FOXA3: variants seen among roughly 807,000 people sequenced by gnomAD.
The protein encoded by FOXA3 is hepatocyte nuclear factor 3-gamma.
FOXA3 carries 11 observed loss-of-function variants against 16.9 expected under a neutral mutation model. The ratio of observed to expected loss-of-function variants is 0.65; its 90% CI spans 0.41 to 1.08. The LOEUF (loss-of-function observed/expected upper bound fraction) is 1.08, where lower values mean the gene tolerates loss of function less well. FOXA3 is among the 50% of genes least tolerant of loss of function. The pLI is 0.00. For synonymous variants in FOXA3, 217 were observed against 203.3 expected, an observed-to-expected ratio of 1.07 and a Z score of -0.57; for missense variants, 423 against 470.1, an observed-to-expected ratio of 0.90 and a Z score of 0.93.
chr19:45,868,002 G>T (rs75766246), intron 1 of FOXA3, among the ~76,000 whole-genome samples: 5 of 151,282 alleles, frequency 3.3e-5, no homozygotes, highest in African/African-American at 1.2e-4. Context: ...GAGCAAAAGA[G>T]GTTAGGGTGG....
In FOXA3 at chr19:45,872,513, T is replaced by C. The variant is rs1257133453; in HGVS notation, c.508T>C (p.Ser170Pro). The change falls in exon 2 of 2, where the codon TCT (serine) becomes CCT (proline). Residue 170 changes from serine (S) to proline (P), a missense_variant. By Grantham distance (74) the Ser-to-Pro change is moderately conservative (BLOSUM62 -1). Around this residue, in one of 3 missense-constraint regions of FOXA3, gnomAD observed 85 missense variants for 136.9 expected, o/e 0.62. Coordinates refer to ENST00000302177, the MANE Select transcript of FOXA3 (RefSeq NM_004497.3). The surrounding 1 kb of genome is among the most constrained non-coding windows in gnomAD (Gnocchi z 4.5). ...RWQNSIRHSLSFNDCFVKVAR... is the reference protein window; with the variant it reads ...RWQNSIRHSLPFNDCFVKVAR... The stretch of plus-strand genomic sequence containing the variant: ...GCAGAACTCCATTCGCCACTCGCTG[T>C]CTTTCAACGACTGCTTCGTCAAGGT... 1 of 1,614,048 alleles carries C rather than the reference T, an allele frequency of 6.2e-7. No homozygotes were observed. Among genetic ancestry groups the C allele is most frequent in the African/African-American group, 1.3e-5 (1 of 74,930 alleles).
chr19:45,869,820 C>T (rs923804523), intron 1 of FOXA3, among the ~76,000 whole-genome samples: 1 of 151,280 alleles, frequency 6.6e-6, no homozygotes, highest in Non-Finnish European at 1.5e-5. Flanking sequence ...GAGTCTTGCT[C>T]TGTCGCCCAG....
chr19:45,869,219 C>T (rs1568633812), intron 1 of FOXA3, among the ~76,000 whole-genome samples: 1 of 151,668 alleles, frequency 6.6e-6, no homozygotes, highest in Non-Finnish European at 1.5e-5. Context: ...GGATTACAGG[C>T]GTGAGCCACC....
rs1176340072 is a variant in FOXA3 at position 45,873,480 on chromosome 19, T to C, written c.*422T>C. Reference sequence around the variant, plus strand: ...TGGCCACCATTCTGTGTAACACCTTTTTTGGCCCATTGGGTGCTTTGATGG... The same window carrying C: ...TGGCCACCATTCTGTGTAACACCTTCTTTGGCCCATTGGGTGCTTTGATGG... On this transcript the variant is annotated 3_prime_UTR_variant, in exon 2 of 2. Transcript: ENST00000302177. 20 of 223,634 alleles carry C rather than the reference T, an allele frequency of 8.9e-5. No individual in the cohort carries two copies. The highest frequency in any genetic ancestry group is 1.7e-4 in the Non-Finnish European group (19 of 111,130). The allele number at this position is 223,634 out of a possible 1,614,324, so 13.9% of individuals were successfully genotyped here. A position where few individuals can be genotyped will look rare whatever the true frequency, so the allele number is the denominator to read the frequency against.
chr19:45,868,319 G>A (rs187273827), intron 1 of FOXA3, among the ~76,000 whole-genome samples: 19 of 152,060 alleles, frequency 1.2e-4, no homozygotes, highest in Non-Finnish European at 1.8e-4. Context: ...GTGGCTCATG[G>A]CTATAATCCC....
rs780122523 is a variant in FOXA3 at position 45,872,085 on chromosome 19, C to T, written c.80C>T (p.Pro27Leu). ...TCATCTTTCCCCTAGGTCTACTCGC[C>T]GGTGACCCCAGTGCCCACCATGGCC... ...YYPEAGEVYSPVTPVPTMAPL... is the reference protein window; with the variant it reads ...YYPEAGEVYSLVTPVPTMAPL... The change falls in exon 2 of 2, where the codon CCG becomes CTG. Residue 27 changes from proline (P) to leucine (L), a missense_variant. Transcript: ENST00000302177. This position sits in a 1 kb window ranked among gnomAD's most constrained non-coding sequence, Gnocchi z 4.5. The T allele has an allele frequency of 2.4e-5, 39 of 1,610,500 alleles. No homozygotes were observed. Among genetic ancestry groups the T allele is most frequent in the South Asian group, 5.5e-5 (5 of 90,656 alleles).
intron 1 of FOXA3, among the ~76,000 whole-genome samples, chr19:45,870,786 C>A (rs770244464): frequency 6.6e-6 from 1 of 152,000 alleles, no homozygotes; most frequent in South Asian, 2.1e-4. Context: ...CCAGGCTGGT[C>A]TTGAACTTCT....
chr19:45,867,013 C>A (rs1480261187), intron 1 of FOXA3, among the ~76,000 whole-genome samples: 1 of 152,176 alleles, frequency 6.6e-6, no homozygotes, highest in African/African-American at 2.4e-5. Flanking sequence ...CAGGGGAGAT[C>A]CGGCTCAGAC....
intron 1 of FOXA3, 94 bp from the exon 2 acceptor site, chr19:45,871,980 GA>G: frequency 7.9e-7 from 1 of 1,267,336 alleles, no homozygotes; most frequent in Non-Finnish European, 1.1e-6. Flanking sequence ...GAGAAGGCAA[GA>G]TGGACAGACA....
intron 1 of FOXA3, among the ~76,000 whole-genome samples, chr19:45,870,062 A>G (rs1966891376): frequency 6.6e-6 from 1 of 152,160 alleles, no homozygotes; most frequent in Non-Finnish European, 1.5e-5. Flanking sequence ...CTGGGATTAC[A>G]GGTGTGAGCC....
rs1966922002 is a variant in FOXA3, at chr19:45,872,760, A to AGCCCCC, written c.759_764dup (p.Pro255_Pro256dup). The AGCCCCC allele has an allele frequency of 6.2e-7, 1 of 1,607,758 alleles. No homozygotes were observed. The highest frequency in any genetic ancestry group is 1.1e-5 in the South Asian group (1 of 90,734). ...GCGGCCACAGTCACCTCCCCGCCCCAGCCCCCGCCTCCAGCCCCTGAGCCT... is the reference window on the plus strand; with the variant it reads ...GCGGCCACAGTCACCTCCCCGCCCCAGCCCCCGCCCCCGCCTCCAGCCCCTGAGCCT... On this transcript the variant is annotated inframe_insertion, in exon 2 of 2. Transcript: ENST00000302177. This position sits in a 1 kb window ranked among gnomAD's most constrained non-coding sequence, Gnocchi z 4.5.
intron 1 of FOXA3, among the ~76,000 whole-genome samples, chr19:45,864,862 G>A: frequency 6.6e-6 from 1 of 152,152 alleles, no homozygotes; most frequent in Non-Finnish European, 1.5e-5. Context: ...AGGAATCAGA[G>A]TTCCAGGGTA....
chr19:45,873,430 G>A lies in FOXA3; in HGVS notation c.*372G>A. ...GTGCTGTGCCCACTTCTTTTTTGGTGTACTTGGCACAGTAGGTGCCAAGTT... is the reference window on the plus strand; with the variant it reads ...GTGCTGTGCCCACTTCTTTTTTGGTATACTTGGCACAGTAGGTGCCAAGTT... On this transcript the variant is annotated 3_prime_UTR_variant, in exon 2 of 2. Transcript: ENST00000302177. 1 of 305,260 alleles carries A rather than the reference G, an allele frequency of 3.3e-6. No homozygotes were observed. 18.9% of individuals were successfully genotyped at this position (305,260 alleles called of 1,614,324 possible).
chr19:45,872,512 G>C lies in FOXA3; in HGVS notation c.507G>C (p.Leu169=). The change falls in exon 2 of 2, where the codon CTG becomes CTC. Residue 169 remains leucine, a synonymous_variant. Transcript: ENST00000302177. The surrounding 1 kb of genome is among the most constrained non-coding windows in gnomAD (Gnocchi z 4.5). ...GGCAGAACTCCATTCGCCACTCGCT[G>C]TCTTTCAACGACTGCTTCGTCAAGG... ...QRWQNSIRHS[L]SFNDCFVKVA... 4 of 1,614,184 alleles carry C rather than the reference G, an allele frequency of 2.5e-6. No individual in the cohort carries two copies. Among genetic ancestry groups the C allele is most frequent in the Non-Finnish European group, 3.4e-6 (4 of 1,180,032 alleles).
rs1966908807 is a variant in FOXA3, at chr19:45,872,005, TG to T, written c.70-67del. ...GATGGACAGACAGACGGACACTCAG[TG>T]GGTCCTGGGATCCTTTGCTGACCAG... On this transcript the variant is annotated intron_variant, in intron 1 of 1. Coordinates refer to ENST00000302177, the MANE Select transcript of FOXA3 (RefSeq NM_004497.3). The surrounding 1 kb of genome is among the most constrained non-coding windows in gnomAD (Gnocchi z 4.5). The T allele has an allele frequency of 8.2e-6, 12 of 1,465,116 alleles. No individual in the cohort carries two copies. The highest frequency in any genetic ancestry group is 2.0e-5 in the Admixed American group (1 of 49,520). 90.8% of individuals were successfully genotyped at this position (1,465,116 alleles called of 1,614,324 possible).
Position 45,872,549 on chromosome 19 carries a change from C to G in FOXA3, c.544C>G (p.Pro182Ala). The G allele has an allele frequency of 6.2e-7, 1 of 1,614,162 alleles. No individual in the cohort carries two copies. Among genetic ancestry groups the G allele is most frequent in the Middle Eastern group, 1.6e-4 (1 of 6,062 alleles). Residue 182 changes from proline (P) to alanine (A), a missense_variant, in exon 2 of 2, where the codon CCA becomes GCA. By Grantham distance (27) the Pro-to-Ala change is conservative. This residue lies in a region of FOXA3 where 85 missense variants were observed against 136.9 expected (regional missense o/e 0.62). Transcript: ENST00000302177. This position sits in a 1 kb window ranked among gnomAD's most constrained non-coding sequence, Gnocchi z 4.5. ...NDCFVKVARS[P>A]DKPGKGSYWA... ...CTGCTTCGTCAAGGTGGCGCGTTCC[C>G]CAGACAAGCCTGGCAAGGGCTCCTA...
At chr19:45,871,897 G>A (rs901774985) in intron 1 of FOXA3, among the ~76,000 whole-genome samples, 178 bp from the exon 2 acceptor site, 3 of 152,266 alleles carry the variant, frequency 2.0e-5, no homozygotes, top group Middle Eastern at 3.4e-3. Flanking sequence ...CAGAAAGGGC[G>A]TGTCCAGGGA....
intron 1 of FOXA3, among the ~76,000 whole-genome samples, chr19:45,867,109 C>T (rs764115201): frequency 2.0e-5 from 3 of 151,952 alleles, no homozygotes; most frequent in Non-Finnish European, 4.4e-5. Flanking sequence ...GGTCGGACCT[C>T]AAGGAGGACT....
Position 45,873,337 on chromosome 19 carries a change from C to T in FOXA3, c.*279C>T, listed in dbSNP as rs878943261. ...CACTGCATGGTTTGATGGCCACCAT[C>T]TCGGTTGGCCCTTTGGGTGTGATGG... On this transcript the variant is annotated 3_prime_UTR_variant, in exon 2 of 2. Coordinates refer to ENST00000302177, the MANE Select transcript of FOXA3 (RefSeq NM_004497.3). 169 of 503,378 alleles carry T rather than the reference C, an allele frequency of 3.4e-4. 1 individual carries two copies. The South Asian group carries it at 3.8e-3, about 11-fold the overall frequency. 31.2% of individuals were successfully genotyped at this position (503,378 alleles called of 1,614,324 possible).
Sources: gnomAD v4.1 joint callset for allele counts (sites outside exome capture counted in the v4.1 genomes callset) on GRCh38, gnomAD v4.1.1 for gene constraint, gnomAD v4.1.1 regional missense constraint, Gnocchi (gnomAD v3.1) non-coding constraint, MANE v1.5 for transcripts, NCBI Gene and HGNC (gene_info 2026-07-23, HGNC 2026-07-21) for gene names.